ZNF805: variants seen among roughly 807,000 people sequenced by gnomAD.
ZNF805 encodes CTC-444N24.8.
In ZNF805, 7 loss-of-function variants were observed where a neutral mutation model predicts 13.6. The ratio of observed to expected loss-of-function variants is 0.51; its 90% confidence interval spans 0.29 to 0.97. The LOEUF is 0.97. Among genes scored for constraint, ZNF805 ranks in the 50% least tolerant of loss-of-function variants. ZNF805 has a pLI of 0.08. For synonymous variants in ZNF805, 293 were observed against 279.8 expected, an observed-to-expected ratio of 1.05 and a Z score of -0.47; for missense variants, 604 against 771.0, an observed-to-expected ratio of 0.78 and a Z score of 2.57.
chr19:57,260,205 C>CTT lies in ZNF805; in HGVS notation c.*5504_*5505dup, dbSNP rs2087715898. Among the ~76,000 whole-genome samples, 1 of 152,174 alleles carries CTT rather than the reference C, an allele frequency of 6.6e-6. No individual in the cohort carries two copies. On this transcript the variant is annotated 3_prime_UTR_variant, in exon 4 of 4. Coordinates refer to ENST00000414468, the MANE Select transcript of ZNF805 (RefSeq NM_001023563.4). ...AACCAAACTTGTCTAAGTCCTCTGT[C>CTT]TTTCATACTCTTGTTTAGTCTTTAA...
chr19:57,262,339 A>C lies in ZNF805; in HGVS notation c.*7636A>C, dbSNP rs561902266. 22 of 155,610 alleles carry C rather than the reference A, an allele frequency of 1.4e-4. No homozygotes were observed. Among genetic ancestry groups the C allele is most frequent in the Non-Finnish European group, 2.5e-4 (16 of 63,652 alleles). The allele number at this position is 155,610 out of a possible 1,614,324, so 9.6% of individuals were successfully genotyped here. A position where few individuals can be genotyped will look rare whatever the true frequency, so the allele number is the denominator to read the frequency against. ...ATGAAGGCTTATATACGTGTAAACC[A>C]TTGTAACCAAGAAAAAAAAAAAAAG... On this transcript the variant is annotated 3_prime_UTR_variant, in exon 4 of 4. Coordinates refer to ENST00000414468, the MANE Select transcript of ZNF805 (RefSeq NM_001023563.4).
In ZNF805 at chr19:57,247,623, C is replaced by T. The variant is rs2087627144; in HGVS notation, c.158-982C>T. ...GGAGACCAGGCTGCGTGCAGGGAGC[C>T]ATTACAATCTCTGTTTCCACCAGTA... On this transcript the variant is annotated intron_variant, in intron 2 of 3. Transcript: ENST00000414468. Among the ~76,000 whole-genome samples, 5 of 152,338 alleles carry T rather than the reference C, an allele frequency of 3.3e-5. No individual in the cohort carries two copies. The South Asian group carries it at 1.0e-3, about 32-fold the overall frequency.
At position 57,253,121 on chromosome 19, in the gene ZNF805, C is replaced by A; in HGVS notation, c.302C>A (p.Ala101Asp). 6.6e-7 allele frequency: 1 copy of A among 1,511,618 alleles called. No individual in the cohort carries two copies. The allele number at this position is 1,511,618 out of a possible 1,614,324, so 93.6% of individuals were successfully genotyped here. A position where few individuals can be genotyped will look rare whatever the true frequency, so the allele number is the denominator to read the frequency against. Reference sequence around the variant, plus strand: ...ACAGAACCTACCACCTGTGAGCTAGCCTTGTCTGAAGGAATCTCTTTTTGG... The same window carrying A: ...ACAGAACCTACCACCTGTGAGCTAGACTTGTCTGAAGGAATCTCTTTTTGG... The part of the protein sequence containing the change: ...KSTEPTTCEL[A>D]LSEGISFWGQ... The change falls in exon 4 of 4, where the codon GCC becomes GAC. Residue 101 changes from alanine to aspartate, a missense_variant. Transcript: ENST00000414468. This position sits in a 1 kb window ranked among gnomAD's most constrained non-coding sequence, Gnocchi z 4.4.
In ZNF805 at chr19:57,261,360, C is replaced by G. The variant is rs1439944241; in HGVS notation, c.*6657C>G. ...GAGAAGGAGTAGAGAAGGGCTAAGG[C>G]ATGCATGTTGTTTTAGGTGTGTTTG... On this transcript the variant is annotated 3_prime_UTR_variant, in exon 4 of 4. Transcript: ENST00000414468. The G allele has an allele frequency of 1.2e-5, 2 of 166,954 alleles. No homozygotes were observed. The highest frequency in any genetic ancestry group is 2.9e-5 in the Non-Finnish European group (2 of 68,104). 10.3% of individuals were successfully genotyped at this position (166,954 alleles called of 1,614,324 possible).
rs1205423373 is a variant in ZNF805, at chr19:57,258,480, A to G, written c.*3777A>G. On this transcript the variant is annotated 3_prime_UTR_variant, in exon 4 of 4. Coordinates refer to ENST00000414468, the MANE Select transcript of ZNF805 (RefSeq NM_001023563.4). ...TTAACATTTTTTAGAATTCCATTTGATATATTTGTAGTGTTTTTTAAATAT... is the reference window on the plus strand; with the variant it reads ...TTAACATTTTTTAGAATTCCATTTGGTATATTTGTAGTGTTTTTTAAATAT... Among the ~76,000 whole-genome samples the G allele has an allele frequency of 1.0e-5, 1 of 96,662 alleles. No individual in the cohort carries two copies. The highest frequency in any genetic ancestry group is 2.2e-5 in the Non-Finnish European group (1 of 44,808). The allele number at this position is 96,662 out of a possible 152,430, so 63.4% of individuals were successfully genotyped here.
chr19:57,248,676 G>T lies in ZNF805; in HGVS notation c.229G>T (p.Asp77Tyr). 6.3e-7 allele frequency: 1 copy of T among 1,598,500 alleles called. No individual in the cohort carries two copies. Among genetic ancestry groups the T allele is most frequent in the African/African-American group, 1.3e-5 (1 of 74,890 alleles). Reference sequence around the variant, plus strand: ...GCAGGAGCCATGGACCAGGAAGGAAGACCTCTCCCAAGGCACCTGTCCAGG... The same window carrying T: ...GCAGGAGCCATGGACCAGGAAGGAATACCTCTCCCAAGGCACCTGTCCAGG... ...HGQEPWTRKEDLSQGTCPGDK... is the reference protein window; with the variant it reads ...HGQEPWTRKEYLSQGTCPGDK... The change falls in exon 3 of 4, where the codon GAC (aspartate) becomes TAC (tyrosine). Residue 77 changes from aspartate (D) to tyrosine (Y), a missense_variant. Transcript: ENST00000414468.
At chr19:57,252,850 GC>G (rs1444705384) in intron 3 of ZNF805, among the ~76,000 whole-genome samples, 2 of 152,114 alleles carry the variant, frequency 1.3e-5, no homozygotes, top group Admixed American at 6.5e-5. Context: ...TCCACTCTAG[GC>G]CCTGTCCCCT....
rs116667678 is a variant in ZNF805, at chr19:57,261,822, G to T, written c.*7119G>T. 1.1e-3 allele frequency: 179 copies of T among 167,124 alleles called. No homozygotes were observed. Among genetic ancestry groups the T allele is most frequent in the African/African-American group, 4.0e-3 (166 of 41,546 alleles). The allele number at this position is 167,124 out of a possible 1,614,324, so 10.4% of individuals were successfully genotyped here. On this transcript the variant is annotated 3_prime_UTR_variant, in exon 4 of 4. Transcript: ENST00000414468. ...ATGGCTATGATTTACCACACCGAAA[G>T]AATCCAGAGCAAACTCAGCAAAAGG...
At chr19:57,250,651 T>C (rs2087646351) in intron 3 of ZNF805, among the ~76,000 whole-genome samples, 1 of 152,240 alleles carries the variant, frequency 6.6e-6, no homozygotes, top group African/African-American at 2.4e-5. Flanking sequence ...CTGCGTGGGG[T>C]ACTCCAGCAT....
chr19:57,244,088 C>CCCTCTGA, intron 2 of ZNF805, 39 bp downstream of exon 2: 2 of 1,597,424 alleles, frequency 1.3e-6, no homozygotes, highest in Non-Finnish European at 1.7e-6. Context: ...GGATCTGCCA[C>CCCTCTGA]CTCCTTCGTT....
At chr19:57,243,778 G>A (rs1228630888) in intron 1 of ZNF805, 145 bp from the exon 2 acceptor site, 7 of 1,127,466 alleles carry the variant, frequency 6.2e-6, no homozygotes, top group Middle Eastern at 2.8e-4. Flanking sequence ...CCAAAGCAAT[G>A]TCTGCCTTCC....
rs758875127 is a variant in ZNF805, at chr19:57,254,216, A to G, written c.1397A>G (p.Asn466Ser). ...AAAGAGTGTGGGAAAGCCTTTAGCA[A>G]TAGGGCAGACCTCATTCGCCACTTC... is the stretch of plus-strand genomic sequence containing the variant. The part of the protein sequence containing the change: ...ECKECGKAFS[N>S]RADLIRHFSI... The change falls in exon 4 of 4, where the codon AAT becomes AGT. Residue 466 changes from asparagine to serine, a missense_variant. Coordinates refer to ENST00000414468, the MANE Select transcript of ZNF805 (RefSeq NM_001023563.4). The G allele has an allele frequency of 1.2e-5, 19 of 1,613,938 alleles. No homozygotes were observed. The highest frequency in any genetic ancestry group is 4.5e-5 in the East Asian group (2 of 44,874).
At chr19:57,243,664 A>G (rs1369659685) in intron 1 of ZNF805, among the ~76,000 whole-genome samples, 1 of 152,190 alleles carries the variant, frequency 6.6e-6, no homozygotes, top group Non-Finnish European at 1.5e-5. Flanking sequence ...CTCGAACTCT[A>G]ATTGTCTACA....
chr19:57,254,780 C>A lies in ZNF805; in HGVS notation c.*77C>A. On this transcript the variant is annotated 3_prime_UTR_variant, in exon 4 of 4. Coordinates refer to ENST00000414468, the MANE Select transcript of ZNF805 (RefSeq NM_001023563.4). ...AAATCACGCAGCTTAGAGCCTTATT[C>A]TCCATCCGAATTCATCCTGGAAAAA... The A allele has an allele frequency of 1.4e-6, 2 of 1,430,326 alleles. No homozygotes were observed. The highest frequency in any genetic ancestry group is 1.4e-5 in the South Asian group (1 of 70,122). 88.6% of individuals were successfully genotyped at this position (1,430,326 alleles called of 1,614,324 possible). A position where few individuals can be genotyped will look rare whatever the true frequency, so the allele number is the denominator to read the frequency against.
rs2087689366 is a variant in ZNF805 at position 57,256,715 on chromosome 19, A to G, written c.*2012A>G. The stretch of plus-strand genomic sequence containing the variant: ...CACTTATTATTGTCAGTCTTTGTAG[A>G]CATATGTCAATTTCATTGATCATTT... On this transcript the variant is annotated 3_prime_UTR_variant, in exon 4 of 4. Coordinates refer to ENST00000414468, the MANE Select transcript of ZNF805 (RefSeq NM_001023563.4). Among the ~76,000 whole-genome samples, 1 of 152,078 alleles carries G rather than the reference A, an allele frequency of 6.6e-6. No individual in the cohort carries two copies. The highest frequency in any genetic ancestry group is 2.1e-4 in the South Asian group (1 of 4,830).
Position 57,254,855 on chromosome 19 carries a change from C to T in ZNF805, c.*152C>T. 1.3e-6 allele frequency: 1 copy of T among 760,792 alleles called. No homozygotes were observed. Among genetic ancestry groups the T allele is most frequent in the Non-Finnish European group, 2.1e-6 (1 of 473,914 alleles). 47.1% of individuals were successfully genotyped at this position (760,792 alleles called of 1,614,324 possible). ...GGAAAACCTTTAGCTCCATCTTTCT[C>T]ATTAGTTTACAGTGCAATGTTATCT... On this transcript the variant is annotated 3_prime_UTR_variant, in exon 4 of 4. Transcript: ENST00000414468.
At position 57,262,352 on chromosome 19, in the gene ZNF805, A is replaced by T. The variant is rs1259492448; in HGVS notation, c.*7649A>T. The T allele has an allele frequency of 6.3e-6, 1 of 159,238 alleles. No homozygotes were observed. The highest frequency in any genetic ancestry group is 2.8e-5 in the African/African-American group (1 of 35,396). 9.9% of individuals were successfully genotyped at this position (159,238 alleles called of 1,614,324 possible). On this transcript the variant is annotated 3_prime_UTR_variant, in exon 4 of 4. Transcript: ENST00000414468. ...TACGTGTAAACCATTGTAACCAAGA[A>T]AAAAAAAAAAAGTCAGAGTCACAGT... is the stretch of plus-strand genomic sequence containing the variant.
rs1395587007 is a variant in ZNF805, at chr19:57,260,862, A to C, written c.*6159A>C. 6.6e-6 allele frequency among the ~76,000 whole-genome samples: 1 copy of C among 152,202 alleles called. No individual in the cohort carries two copies. Among genetic ancestry groups the C allele is most frequent in the Admixed American group, 6.5e-5 (1 of 15,282 alleles). ...ACCTTGGCCGTGGGGATGCACCCAT[A>C]ATCATCATAAGAGAACACAAATTAT... On this transcript the variant is annotated 3_prime_UTR_variant, in exon 4 of 4. Transcript: ENST00000414468.
At chr19:57,252,620 C>T (rs1031615519) in intron 3 of ZNF805, among the ~76,000 whole-genome samples, 3 of 152,176 alleles carry the variant, frequency 2.0e-5, no homozygotes, top group Non-Finnish European at 4.4e-5. Flanking sequence ...CACGGTTAAT[C>T]GAGACATTGC....
Sources: gnomAD v4.1 joint callset for allele counts (sites outside exome capture counted in the v4.1 genomes callset) on GRCh38, gnomAD v4.1.1 for gene constraint, Gnocchi (gnomAD v3.1) non-coding constraint, MANE v1.5 for transcripts, NCBI Gene and HGNC (gene_info 2026-07-23, HGNC 2026-07-21) for gene names.